The following EPSTI1 variants were observed in gnomAD, a reference collection of about 807,000 sequenced individuals.
EPSTI1 encodes the protein epithelial stromal interaction 1.
EPSTI1 carries 66 observed loss-of-function variants against 49.9 expected under a neutral mutation model. That is an observed-to-expected ratio of 1.32 (90% CI 1.08 to 1.62). The LOEUF (loss-of-function observed/expected upper bound fraction) is 1.62. Ranked by LOEUF, EPSTI1 falls within the 40% of genes most tolerant of loss-of-function variation. The pLI, the probability that EPSTI1 is intolerant of heterozygous loss-of-function variation, is 0.00. For synonymous variants in EPSTI1, 137 were observed against 130.7 expected (o/e 1.05, Z -0.33); for missense variants, 394 against 365.5 (o/e 1.08, Z -0.64).
At chr13:42,935,901 ATTC>A (rs1464438819) in intron 6 of EPSTI1, among the ~76,000 whole-genome samples, 1 of 152,044 alleles carries the variant, frequency 6.6e-6, no homozygotes, top group Non-Finnish European at 1.5e-5. Flanking sequence ...CCACTCATGA[ATTC>A]TTCTCCTGTA....
chr13:42,948,480 GT>G (rs1448093889), intron 6 of EPSTI1, among the ~76,000 whole-genome samples: 1 of 79,248 alleles, frequency 1.3e-5, no homozygotes, highest in Non-Finnish European at 2.6e-5. Flanking sequence ...TTTTGTTTTT[GT>G]TTTTTTCGGT....
intron 6 of EPSTI1, among the ~76,000 whole-genome samples, chr13:42,948,896 C>A (rs527327153): frequency 5.3e-5 from 8 of 152,240 alleles, no homozygotes; most frequent in African/African-American, 1.9e-4. Flanking sequence ...ATCCCAAGCC[C>A]CCCAACAGAC....
chr13:42,951,278 T>C (rs947784563), intron 6 of EPSTI1, among the ~76,000 whole-genome samples: 3 of 152,246 alleles, frequency 2.0e-5, no homozygotes, highest in East Asian at 1.9e-4. Context: ...GTCTCTTTTA[T>C]ATTTCTAACT....
chr13:42,938,409 G>A (rs1244011504), intron 6 of EPSTI1, among the ~76,000 whole-genome samples: 1 of 152,018 alleles, frequency 6.6e-6, no homozygotes, highest in African/African-American at 2.4e-5. Flanking sequence ...TCCATTCATA[G>A]AGCATACACA....
At chr13:42,891,931 G>A (rs896118723) in intron 10 of EPSTI1, among the ~76,000 whole-genome samples, 2 of 152,220 alleles carry the variant, frequency 1.3e-5, no homozygotes, top group African/African-American at 4.8e-5. Flanking sequence ...TAGAAAAAGG[G>A]AGGGGAGCCT....
At position 42,900,542 on chromosome 13, in the gene EPSTI1, C is replaced by T. The variant is rs937580232; in HGVS notation, c.742-159G>A. On this transcript the variant is annotated intron_variant, in intron 8 of 10. Transcript: ENST00000313624. ...GGATGTGAAATTATTTTCTTATATACGTAGGTAGCAAATAACTGTGGCTTA... is the reference window on the plus strand; with the variant it reads ...GGATGTGAAATTATTTTCTTATATATGTAGGTAGCAAATAACTGTGGCTTA... Among the ~76,000 whole-genome samples the T allele has an allele frequency of 6.6e-5, 10 of 151,788 alleles. No homozygotes were observed. The South Asian group carries it at 1.5e-3, about 22-fold the overall frequency.
intron 10 of EPSTI1, chr13:42,889,246 G>T: frequency 6.5e-7 from 1 of 1,529,778 alleles, no homozygotes; most frequent in Non-Finnish European, 8.8e-7. Context: ...GAGAACCCTA[G>T]AAAAATAAAA....
intron 6 of EPSTI1, among the ~76,000 whole-genome samples, chr13:42,951,531 C>A (rs1295357194): frequency 6.6e-6 from 1 of 152,174 alleles, no homozygotes; most frequent in African/African-American, 2.4e-5. Flanking sequence ...TTGAATTCAG[C>A]TCCACTGATA....
At chr13:42,892,580 T>G (rs1436381232) in intron 10 of EPSTI1, among the ~76,000 whole-genome samples, 1 of 152,106 alleles carries the variant, frequency 6.6e-6, no homozygotes, top group Non-Finnish European at 1.5e-5. Context: ...GTTTTAGACA[T>G]GTTAAGGCTG....
At chr13:42,939,100 T>C (rs1298322043) in intron 6 of EPSTI1, among the ~76,000 whole-genome samples, 1 of 152,094 alleles carries the variant, frequency 6.6e-6, no homozygotes, top group Admixed American at 6.5e-5. Context: ...TAACTTTTCT[T>C]CTACAGCTTC....
intron 1 of EPSTI1, among the ~76,000 whole-genome samples, chr13:42,986,627 C>T (rs2040083920): frequency 6.6e-6 from 1 of 151,886 alleles, no homozygotes. Flanking sequence ...TGCCTGTAAT[C>T]CCAGCTACTT....
chr13:42,960,376 G>A (rs780521529), intron 5 of EPSTI1, among the ~76,000 whole-genome samples: 15 of 152,144 alleles, frequency 9.9e-5, no homozygotes, highest in Non-Finnish European at 2.9e-5. Context: ...TGCTTGCTGT[G>A]GGGAGTTAGG....
At chr13:42,900,478 C>T in intron 8 of EPSTI1, 95 bp from the exon 9 acceptor site, 1 of 1,195,282 alleles carries the variant, frequency 8.4e-7, no homozygotes, top group East Asian at 2.5e-5. Flanking sequence ...TCAACTGGTA[C>T]AATATTTCAT....
rs760815100 is a variant in EPSTI1 at position 42,919,311 on chromosome 13, C to A, written c.658-1687G>T. 4.5e-5 allele frequency: 72 copies of A among 1,613,534 alleles called. No individual in the cohort carries two copies. The Admixed American group carries it at 5.7e-4, about 13-fold the overall frequency. ...TAATGTTTGCTTACCCAGCTGTGAT[C>A]CCTAGGCAGGATAGGAAGTTTCTGT... On this transcript the variant is annotated intron_variant, in intron 7 of 10. Coordinates refer to ENST00000313624, the MANE Select transcript of EPSTI1 (RefSeq NM_033255.5).
rs1410739954 is a variant in EPSTI1, at chr13:42,970,607, C to T, written c.247+5G>A. 5 of 1,605,922 alleles carry T rather than the reference C, an allele frequency of 3.1e-6. No individual in the cohort carries two copies. The highest frequency in any genetic ancestry group is 1.7e-4 in the Middle Eastern group (1 of 6,038). On this transcript the variant is annotated splice_donor_5th_base_variant and intron_variant, in intron 2 of 10. Coordinates refer to ENST00000313624, the MANE Select transcript of EPSTI1 (RefSeq NM_033255.5). ...TCTGAATGTTAAATGAATGACTATA[C>T]ATACTTCTTTGTATCTCATTTCTCC...
At chr13:42,914,331 G>A (rs750592671) in intron 8 of EPSTI1, among the ~76,000 whole-genome samples, 14 of 152,048 alleles carry the variant, frequency 9.2e-5, no homozygotes, top group Non-Finnish European at 1.9e-4. Flanking sequence ...ACAAGGCTCA[G>A]TATATAATAG....
chr13:42,889,380 C>T, intron 10 of EPSTI1: 1 of 548,996 alleles, frequency 1.8e-6, no homozygotes, highest in Non-Finnish European at 3.1e-6. Flanking sequence ...AACATACACA[C>T]TTATTGGGGG....
At position 42,903,137 on chromosome 13, in the gene EPSTI1, A is replaced by C. The variant is rs548184482; in HGVS notation, c.742-2754T>G. 3.4e-3 allele frequency among the ~76,000 whole-genome samples: 525 copies of C among 152,300 alleles called. 6 individuals are homozygous for C. Among genetic ancestry groups the C allele is most frequent in the South Asian group, 0.03 (143 of 4,820 alleles). On this transcript the variant is annotated intron_variant, in intron 8 of 10. Coordinates refer to ENST00000313624, the MANE Select transcript of EPSTI1 (RefSeq NM_033255.5). ...ATGCATTCTGAACAAACTAACTCTCATTAGTTCTGGAGTATGACACAAAGA... is the reference window on the plus strand; with the variant it reads ...ATGCATTCTGAACAAACTAACTCTCCTTAGTTCTGGAGTATGACACAAAGA...
At chr13:42,930,678 A>G (rs2038334323) in intron 6 of EPSTI1, among the ~76,000 whole-genome samples, 1 of 152,216 alleles carries the variant, frequency 6.6e-6, no homozygotes, top group Non-Finnish European at 1.5e-5. Context: ...TTTAATTGCA[A>G]AAGCAATACA....
Sources: gnomAD v4.1 joint callset for allele counts (sites outside exome capture counted in the v4.1 genomes callset) on GRCh38, gnomAD v4.1.1 for gene constraint, MANE v1.5 for transcripts, NCBI Gene and HGNC (gene_info 2026-07-23, HGNC 2026-07-21) for gene names.